GLMN: variants seen among roughly 807,000 people sequenced by gnomAD.
GLMN encodes the protein glomulin, FKBP associated protein.
A neutral mutation model predicts 87.8 loss-of-function variants in GLMN; 75 were observed. That is an observed-to-expected ratio of 0.85 (90% CI 0.71 to 1.04). The LOEUF (loss-of-function observed/expected upper bound fraction) is 1.04. GLMN is among the 50% of genes least tolerant of loss of function. The pLI, the probability that GLMN is intolerant of heterozygous loss-of-function variation, is 0.00. For synonymous variants in GLMN, 206 were observed against 221.6 expected, an observed-to-expected ratio of 0.93 and a Z score of 0.63; for missense variants, 588 against 658.8, an observed-to-expected ratio of 0.89 and a Z score of 1.18.
chr1:92,303,981 G>T (rs1217530565), upstream of GLMN: 4 of 1,601,000 alleles, frequency 2.5e-6, no homozygotes, highest in South Asian at 3.4e-5. Context: ...TTTTAGGGGA[G>T]GTTCATTACA....
chr1:92,288,623 C>CCA (rs1649048530), intron 6 of GLMN, among the ~76,000 whole-genome samples: 1 of 151,988 alleles, frequency 6.6e-6, no homozygotes, highest in South Asian at 2.1e-4. Context: ...AGATGGGGGT[C>CCA]TCACTATGTT....
At chr1:92,300,134 A>C (rs371737280), upstream of GLMN, 38 of 1,160,260 alleles carry the variant, frequency 3.3e-5, no homozygotes, top group African/African-American at 5.7e-4. Flanking sequence ...CGCTGTCTGT[A>C]TGCTGTCCGT....
chr1:92,308,912 A>T, the GLMN span, among the ~76,000 whole-genome samples: 1 of 151,984 alleles, frequency 6.6e-6, no homozygotes. Flanking sequence ...GTGAGCCAAG[A>T]TCGTGCTGCT....
At chr1:92,338,816 C>T in the GLMN span, among the ~76,000 whole-genome samples, 2 of 151,726 alleles carry the variant, frequency 1.3e-5, no homozygotes, top group Non-Finnish European at 2.9e-5. Context: ...CACTATGTTG[C>T]CCAGGCTGGT....
At chr1:92,267,486 G>A (rs546789988) in intron 11 of GLMN, among the ~76,000 whole-genome samples, 290 of 151,968 alleles carry the variant, frequency 1.9e-3, no homozygotes, top group African/African-American at 6.5e-3. Flanking sequence ...GGCTGATCAC[G>A]AAGTCAGGAG....
chr1:92,247,775 C>CTAAAGTACAAGATTTTTAAAA lies in GLMN; in HGVS notation c.1585+82_1585+102dup, dbSNP rs1652890225. On this transcript the variant is annotated intron_variant, in intron 17 of 18. Coordinates refer to ENST00000370360, the MANE Select transcript of GLMN (RefSeq NM_053274.3). ...TAAAATGGCTTAGCTGTTATGGTCT[C>CTAAAGTACAAGATTTTTAAAA]TAAAGTACAAGATTTTTAAAAAGTT... 3 of 691,340 alleles carry CTAAAGTACAAGATTTTTAAAA rather than the reference C, an allele frequency of 4.3e-6. No individual in the cohort carries two copies. The African/African-American group carries it at 5.3e-5, about 12-fold the overall frequency. 42.8% of individuals were successfully genotyped at this position (691,340 alleles called of 1,614,324 possible).
chr1:92,358,864 G>C, the GLMN span, among the ~76,000 whole-genome samples: 1 of 152,110 alleles, frequency 6.6e-6, no homozygotes, highest in Non-Finnish European at 1.5e-5. Flanking sequence ...TGGGATTACA[G>C]GTGTGAGCCA....
chr1:92,270,556 C>T (rs1423471349), intron 8 of GLMN, among the ~76,000 whole-genome samples: 1 of 152,192 alleles, frequency 6.6e-6, no homozygotes, highest in Non-Finnish European at 1.5e-5. Flanking sequence ...TACGAATGTA[C>T]TCCTAGCTAT....
upstream of GLMN, chr1:92,299,109 C>G (rs1221799777): frequency 7.2e-6 from 11 of 1,522,586 alleles, no homozygotes; most frequent in Non-Finnish European, 9.7e-6. Context: ...CTGCCGGCCG[C>G]AAGGCCGGGG....
the GLMN span, among the ~76,000 whole-genome samples, chr1:92,364,446 C>T: frequency 6.6e-6 from 1 of 152,066 alleles, no homozygotes; most frequent in Non-Finnish European, 1.5e-5. Context: ...TGTGTTTCTC[C>T]CCCCAAAATG....
chr1:92,259,654 G>A (rs1167995747), intron 16 of GLMN, among the ~76,000 whole-genome samples: 1 of 151,734 alleles, frequency 6.6e-6, no homozygotes. Context: ...AATAGGTACT[G>A]GTAGGAGTCC....
chr1:92,365,236 T>A, the GLMN span, among the ~76,000 whole-genome samples: 1 of 152,154 alleles, frequency 6.6e-6, no homozygotes, highest in East Asian at 1.9e-4. Flanking sequence ...TATATAAAAA[T>A]CTCATTTTCT....
At chr1:92,252,013 G>C (rs1485734067) in intron 16 of GLMN, among the ~76,000 whole-genome samples, 1 of 151,552 alleles carries the variant, frequency 6.6e-6, no homozygotes, top group Non-Finnish European at 1.5e-5. Flanking sequence ...GGACTGGCTG[G>C]TCTCTAACTC....
At chr1:92,282,648 G>C (rs78736257) in intron 7 of GLMN, among the ~76,000 whole-genome samples, 2 of 152,046 alleles carry the variant, frequency 1.3e-5, no homozygotes, top group East Asian at 3.8e-4. Flanking sequence ...AGGAGATAGA[G>C]ACACAAAAAA....
the GLMN span, among the ~76,000 whole-genome samples, chr1:92,354,950 G>A: frequency 6.6e-6 from 1 of 151,044 alleles, no homozygotes; most frequent in Non-Finnish European, 1.5e-5. Flanking sequence ...CCAGGCTGGA[G>A]TGCAGTGGCA....
chr1:92,327,471 A>G, the GLMN span, among the ~76,000 whole-genome samples: 1 of 152,234 alleles, frequency 6.6e-6, no homozygotes, highest in Non-Finnish European at 1.5e-5. Flanking sequence ...TGATATAAGA[A>G]TAGCTACTTC....
chr1:92,298,939 G>A lies in GLMN; in HGVS notation c.-45C>T, dbSNP rs942608699. ...ACTCCACTTACCGGCCAGAACCCTC[G>A]CCTCTCCCAGCCGCCGCCACCTCCT... On this transcript the variant is annotated 5_prime_UTR_variant, in exon 1 of 19. Coordinates refer to ENST00000370360, the MANE Select transcript of GLMN (RefSeq NM_053274.3). The A allele has an allele frequency of 7.5e-5, 36 of 481,062 alleles. No homozygotes were observed. The highest frequency in any genetic ancestry group is 4.1e-4 in the African/African-American group (20 of 49,344). 29.8% of individuals were successfully genotyped at this position (481,062 alleles called of 1,614,324 possible).
At chr1:92,311,401 T>C in the GLMN span, among the ~76,000 whole-genome samples, 2 of 152,352 alleles carry the variant, frequency 1.3e-5, no homozygotes, top group East Asian at 1.9e-4. Context: ...GAGAAACTTA[T>C]ACTACCTTGT....
At chr1:92,338,371 C>T in the GLMN span, among the ~76,000 whole-genome samples, 1 of 152,202 alleles carries the variant, frequency 6.6e-6, no homozygotes, top group Admixed American at 6.5e-5. Context: ...AAGTCCAAAG[C>T]TGAACTTGTC....
Sources: gnomAD v4.1 joint callset for allele counts (sites outside exome capture counted in the v4.1 genomes callset) on GRCh38, gnomAD v4.1.1 for gene constraint, MANE v1.5 for transcripts, NCBI Gene and HGNC (gene_info 2026-07-23, HGNC 2026-07-21) for gene names.